Variants in SLC24A3 observed in about 807,000 individuals in gnomAD.
The protein encoded by SLC24A3 is solute carrier family 24 member 3.
Under a neutral mutation model 75.8 loss-of-function variants are expected in SLC24A3, and 28 were observed. That is an observed-to-expected ratio of 0.37 (90% CI 0.27 to 0.51). The LOEUF is 0.51. Among genes scored for constraint, SLC24A3 ranks in the 20% least tolerant of loss-of-function variants. The pLI is 0.94. For missense variants in SLC24A3, 663 were observed against 847.8 expected (o/e 0.78, Z 2.71); for synonymous variants, 372 against 334.1 (o/e 1.11, Z -1.24).
At chr20:19,450,226 A>G (rs1987456980) in intron 2 of SLC24A3, among the ~76,000 whole-genome samples, 1 of 152,226 alleles carries the variant, frequency 6.6e-6, no homozygotes, top group Non-Finnish European at 1.5e-5. Flanking sequence ...CTCTCCACAG[A>G]CAGTAAACTG....
In SLC24A3 at chr20:19,360,878, G is replaced by A. The variant is rs138096560; in HGVS notation, c.271+79791G>A. 7.7e-3 allele frequency among the ~76,000 whole-genome samples: 1,172 copies of A among 151,660 alleles called. 22 individuals carry two copies. Among genetic ancestry groups the A allele is most frequent in the African/African-American group, 0.027 (1,117 of 41,276 alleles). On this transcript the variant is annotated intron_variant, in intron 2 of 16. Coordinates refer to ENST00000328041, the MANE Select transcript of SLC24A3 (RefSeq NM_020689.4). ...GTCTCGCTCTGTCGGCCAGGCTGGA[G>A]TGCAGTGGCACAATCTCGGCTCACT...
At chr20:19,464,939 G>A (rs973042220) in intron 2 of SLC24A3, among the ~76,000 whole-genome samples, 1 of 152,216 alleles carries the variant, frequency 6.6e-6, no homozygotes, top group Admixed American at 6.5e-5. Context: ...GCTGTCCAGT[G>A]GATCTTTCTG....
At chr20:19,513,773 C>T (rs138170172) in intron 2 of SLC24A3, among the ~76,000 whole-genome samples, 11 of 148,492 alleles carry the variant, frequency 7.4e-5, no homozygotes, top group East Asian at 6.0e-4. Flanking sequence ...ATATTATTGA[C>T]GTATAAAAAT....
chr20:19,719,178 G>A lies in SLC24A3; in HGVS notation c.1785+1585G>A, dbSNP rs116463045. On this transcript the variant is annotated intron_variant, in intron 16 of 16. Transcript: ENST00000328041. ...CAAAACCATTGGTGCTAATGAGAGG[G>A]TAGTGCTGTGGAGTCAAGTGGAATA... Among the ~76,000 whole-genome samples, 484 of 152,236 alleles carry A rather than the reference G, an allele frequency of 3.2e-3. 6 individuals carry two copies. The highest frequency in any genetic ancestry group is 0.011 in the African/African-American group (447 of 41,518).
At chr20:19,611,819 C>T (rs2031674043) in intron 6 of SLC24A3, among the ~76,000 whole-genome samples, 1 of 152,188 alleles carries the variant, frequency 6.6e-6, no homozygotes, top group South Asian at 2.1e-4. Context: ...TCCTGCATGG[C>T]TGAGTCTAAC....
chr20:19,278,004 A>G (rs1013442720), intron 1 of SLC24A3, among the ~76,000 whole-genome samples: 5 of 152,026 alleles, frequency 3.3e-5, no homozygotes, highest in Admixed American at 2.6e-4. Flanking sequence ...TACTGTGTAG[A>G]TGGGCAGATG....
intron 2 of SLC24A3, among the ~76,000 whole-genome samples, chr20:19,430,641 C>T (rs968990808): frequency 6.6e-6 from 1 of 152,182 alleles, no homozygotes; most frequent in Admixed American, 6.5e-5. Flanking sequence ...CCTTGAGATG[C>T]TCCTGCTGCA....
chr20:19,696,640 T>C, intron 13 of SLC24A3, 157 bp from the exon 14 acceptor site: 1 of 531,926 alleles, frequency 1.9e-6, no homozygotes, highest in Non-Finnish European at 3.4e-6. Context: ...GGCATCCACA[T>C]AGTGTTTGTC....
Position 19,425,089 on chromosome 20 carries a change from G to A in SLC24A3, c.272-90399G>A, listed in dbSNP as rs145316548. ...GGAGGCCGAGGTGGGCAGATCACGA[G>A]TTCAGGAGTTCAAAACCAGCCTGAC... is the stretch of plus-strand genomic sequence containing the variant. On this transcript the variant is annotated intron_variant, in intron 2 of 16. Transcript: ENST00000328041. Among the ~76,000 whole-genome samples the A allele has an allele frequency of 9.0e-3, 1,377 of 152,266 alleles. 14 individuals carry two copies. Among genetic ancestry groups the A allele is most frequent in the African/African-American group, 0.027 (1,132 of 41,562 alleles).
intron 3 of SLC24A3, among the ~76,000 whole-genome samples, chr20:19,559,416 C>T (rs2122608723): frequency 6.6e-6 from 1 of 152,260 alleles, no homozygotes; most frequent in Non-Finnish European, 1.5e-5. Flanking sequence ...CCTGCATTTT[C>T]ATTTTCTTAG....
intron 6 of SLC24A3, among the ~76,000 whole-genome samples, chr20:19,602,865 A>T (rs1240152889): frequency 6.6e-6 from 1 of 152,212 alleles, no homozygotes; most frequent in African/African-American, 2.4e-5. Flanking sequence ...AAAGCCAGCC[A>T]CATGTCCGGC....
At chr20:19,228,698 A>G (rs1981936576) in intron 1 of SLC24A3, among the ~76,000 whole-genome samples, 1 of 152,134 alleles carries the variant, frequency 6.6e-6, no homozygotes, top group Non-Finnish European at 1.5e-5. Context: ...CCTTATTAAC[A>G]CTTATTAAAG....
chr20:19,698,826 G>T (rs1025709152), intron 15 of SLC24A3, 146 bp downstream of exon 15: 2 of 677,242 alleles, frequency 3.0e-6, no homozygotes, highest in South Asian at 1.9e-5. Flanking sequence ...CTTGTCAAAG[G>T]CCTTACTAGT....
chr20:19,710,279 G>T (rs1026708139), intron 15 of SLC24A3, among the ~76,000 whole-genome samples: 2 of 152,178 alleles, frequency 1.3e-5, no homozygotes, highest in Admixed American at 6.5e-5. Context: ...TAGGGTGGGG[G>T]TGTTGGCTCT....
intron 2 of SLC24A3, among the ~76,000 whole-genome samples, chr20:19,406,303 C>T (rs1986646015): frequency 1.3e-5 from 2 of 151,858 alleles, no homozygotes; most frequent in African/African-American, 4.8e-5. Flanking sequence ...TCTGAAATTC[C>T]ACCTAAGAAT....
At chr20:19,341,316 C>T (rs953651416) in intron 2 of SLC24A3, among the ~76,000 whole-genome samples, 1 of 152,166 alleles carries the variant, frequency 6.6e-6, no homozygotes, top group Non-Finnish European at 1.5e-5. Context: ...TTCCTGGGAC[C>T]TGCCCAGACA....
At chr20:19,466,197 G>T (rs895053830) in intron 2 of SLC24A3, among the ~76,000 whole-genome samples, 1 of 152,210 alleles carries the variant, frequency 6.6e-6, no homozygotes, top group Non-Finnish European at 1.5e-5. Context: ...GAATTTCTGT[G>T]AAGTGTCAAA....
chr20:19,330,337 C>T (rs1600432912), intron 2 of SLC24A3, among the ~76,000 whole-genome samples: 1 of 152,184 alleles, frequency 6.6e-6, no homozygotes, highest in Non-Finnish European at 1.5e-5. Context: ...TAAATGGCCC[C>T]CAGCTGTCCA....
chr20:19,719,730 T>A (rs990724057), intron 16 of SLC24A3, among the ~76,000 whole-genome samples: 1 of 152,220 alleles, frequency 6.6e-6, no homozygotes, highest in Non-Finnish European at 1.5e-5. Context: ...CCAACCCTGA[T>A]GGACAGCTGC....
Sources: allele counts gnomAD v4.1 joint callset (sites outside exome capture counted in the v4.1 genomes callset), GRCh38; gene constraint gnomAD v4.1.1; transcripts MANE v1.5; gene names NCBI Gene and HGNC (gene_info 2026-07-23, HGNC 2026-07-21).